PIEZO2: variants seen among roughly 807,000 people sequenced by gnomAD.
PIEZO2 encodes the protein piezo type mechanosensitive ion channel component 2.
Under a neutral mutation model 337.3 loss-of-function variants are expected in PIEZO2, and 172 were observed. That is an observed-to-expected ratio of 0.51 (90% CI 0.45 to 0.58). PIEZO2 has a LOEUF of 0.58. Ranked by LOEUF, PIEZO2 falls within the 20% of genes least tolerant of loss-of-function variation. The pLI, the probability that PIEZO2 is intolerant of heterozygous loss-of-function variation, is 0.00. For synonymous variants in PIEZO2, 1,251 were observed against 1,228.5 expected, an observed-to-expected ratio of 1.02 and a Z score of -0.38; for missense variants, 3,028 against 3,391.3, an observed-to-expected ratio of 0.89 and a Z score of 2.66.
At position 10,824,081 on chromosome 18, in the gene PIEZO2, C is replaced by A. The variant is rs1040835845; in HGVS notation, c.918-16807G>T. Among the ~76,000 whole-genome samples, 41 of 152,218 alleles carry A rather than the reference C, an allele frequency of 2.7e-4. No individual in the cohort carries two copies. Among genetic ancestry groups the A allele is most frequent in the Non-Finnish European group, 5.0e-4 (34 of 68,024 alleles). On this transcript the variant is annotated intron_variant, in intron 7 of 55. Transcript: ENST00000674853. This position sits in a 1 kb window ranked among gnomAD's most constrained non-coding sequence, Gnocchi z 4.4. ...CATATGTATGCACCCATAAATAATA[C>A]ATACAATTGTTATATGAATTTAACC...
chr18:10,728,546 G>T (rs754877478), intron 36 of PIEZO2: 3 of 152,028 alleles, frequency 2.0e-5, no homozygotes, highest in Non-Finnish European at 4.4e-5. Context: ...CTGCACTATG[G>T]AATATTTTGA....
intron 4 of PIEZO2, among the ~76,000 whole-genome samples, chr18:10,897,536 T>C (rs1330248314): frequency 6.6e-6 from 1 of 152,126 alleles, no homozygotes; most frequent in Non-Finnish European, 1.5e-5. Context: ...TTGGCTCTCA[T>C]TCTCTCTTGC....
chr18:11,061,703 C>T (rs1228178902), intron 2 of PIEZO2, among the ~76,000 whole-genome samples: 35 of 151,794 alleles, frequency 2.3e-4, no homozygotes, highest in South Asian at 1.7e-3. Context: ...TTACAAGGGA[C>T]GTGAAGGACC....
intron 1 of PIEZO2, among the ~76,000 whole-genome samples, chr18:11,087,516 T>C (rs557872613): frequency 6.6e-6 from 1 of 152,350 alleles, no homozygotes; most frequent in South Asian, 2.1e-4. Context: ...AAGAACACAG[T>C]GTGGTTCTCA....
chr18:10,963,526 A>G (rs1190397381), intron 3 of PIEZO2, among the ~76,000 whole-genome samples: 1 of 152,208 alleles, frequency 6.6e-6, no homozygotes, highest in East Asian at 1.9e-4. Flanking sequence ...ACATTAGATT[A>G]CAATAAGAAA....
chr18:10,680,433 CA>C, intron 51 of PIEZO2, 62 bp from the exon 52 acceptor site: 1 of 1,437,268 alleles, frequency 7.0e-7, no homozygotes, highest in South Asian at 1.3e-5. Flanking sequence ...ATAAAGAAAG[CA>C]GTCACTCTTC....
chr18:10,811,544 T>C (rs559622085), intron 7 of PIEZO2, among the ~76,000 whole-genome samples: 1 of 152,324 alleles, frequency 6.6e-6, no homozygotes, highest in South Asian at 2.1e-4. Context: ...GGTAAGAAAC[T>C]GTAGATATAC....
intron 2 of PIEZO2, among the ~76,000 whole-genome samples, chr18:11,055,355 C>T (rs369333366): frequency 1.3e-5 from 2 of 151,910 alleles, no homozygotes; most frequent in Admixed American, 6.6e-5. Context: ...ATGGATTTGT[C>T]GCACAAATAA....
chr18:10,772,839 A>G (rs1190733888), intron 20 of PIEZO2, among the ~76,000 whole-genome samples: 1 of 152,264 alleles, frequency 6.6e-6, no homozygotes, highest in African/African-American at 2.4e-5. Flanking sequence ...AGTAGAAAAG[A>G]AGAGCCCAAA....
Position 10,929,943 on chromosome 18 carries a change from T to TA in PIEZO2, c.287-18716dup, listed in dbSNP as rs1287899467. Among the ~76,000 whole-genome samples the TA allele has an allele frequency of 6.6e-6, 1 of 152,108 alleles. No individual in the cohort carries two copies. Among genetic ancestry groups the TA allele is most frequent in the Non-Finnish European group, 1.5e-5 (1 of 68,026 alleles). On this transcript the variant is annotated intron_variant, in intron 3 of 55. Transcript: ENST00000674853. This position sits in a 1 kb window ranked among gnomAD's most constrained non-coding sequence, Gnocchi z 5.6. ...GAAGGTGGGGTCCAACATGCCTCAT[T>TA]ATACCCTCTTTCCTTTGGAGTTGAG...
chr18:10,970,835 G>T (rs1183809135), intron 3 of PIEZO2, among the ~76,000 whole-genome samples: 1 of 152,076 alleles, frequency 6.6e-6, no homozygotes, highest in East Asian at 1.9e-4. Flanking sequence ...TATAAGGTAG[G>T]GAAGGAAGCT....
At chr18:10,989,730 G>A (rs2035017581) in intron 2 of PIEZO2, among the ~76,000 whole-genome samples, 1 of 152,198 alleles carries the variant, frequency 6.6e-6, no homozygotes, top group African/African-American at 2.4e-5. Context: ...GGGGAAATAT[G>A]TTTATACAGG....
intron 47 of PIEZO2, among the ~76,000 whole-genome samples, chr18:10,695,158 C>T (rs1160336385): frequency 2.0e-5 from 3 of 152,208 alleles, no homozygotes; most frequent in East Asian, 1.9e-4. Context: ...CCGAAATGAC[C>T]AGATCATTTG....
In PIEZO2 at chr18:11,099,129, T is replaced by G. The variant is rs957035237; in HGVS notation, c.65-32907A>C. Among the ~76,000 whole-genome samples, 1 of 152,176 alleles carries G rather than the reference T, an allele frequency of 6.6e-6. No individual in the cohort carries two copies. Among genetic ancestry groups the G allele is most frequent in the African/African-American group, 2.4e-5 (1 of 41,428 alleles). ...TTTTAAAAAGACTGCAGATTTTTCA[T>G]AGTTAACATGAATTATTTAACCAAT... On this transcript the variant is annotated intron_variant, in intron 1 of 55. Coordinates refer to ENST00000674853, the MANE Select transcript of PIEZO2 (RefSeq NM_001378183.1). The surrounding 1 kb of genome is among the most constrained non-coding windows in gnomAD (Gnocchi z 5.4).
At chr18:10,997,971 C>A (rs2035388200) in intron 2 of PIEZO2, among the ~76,000 whole-genome samples, 1 of 152,098 alleles carries the variant, frequency 6.6e-6, no homozygotes, top group East Asian at 1.9e-4. Context: ...AGATACATAA[C>A]TAACCTGTTG....
intron 3 of PIEZO2, among the ~76,000 whole-genome samples, chr18:10,935,876 C>A (rs938754317): frequency 8.5e-5 from 13 of 152,206 alleles, no homozygotes; most frequent in Non-Finnish European, 1.9e-4. Context: ...CTTTCTTGAA[C>A]CCACATTTAC....
intron 54 of PIEZO2, among the ~76,000 whole-genome samples, chr18:10,674,650 CT>C (rs1280095731): frequency 6.6e-6 from 1 of 152,232 alleles, no homozygotes; most frequent in Non-Finnish European, 1.5e-5. Flanking sequence ...GATAACTGCA[CT>C]GGTTTTCCGC....
At chr18:10,885,059 T>G (rs1049209833) in intron 4 of PIEZO2, among the ~76,000 whole-genome samples, 1 of 152,048 alleles carries the variant, frequency 6.6e-6, no homozygotes, top group Non-Finnish European at 1.5e-5. Flanking sequence ...TAGGAGAGGC[T>G]GATATGGAAG....
Position 11,031,234 on chromosome 18 carries a change from C to G in PIEZO2, c.160+34893G>C, listed in dbSNP as rs2036727343. ...CAGGATGGTCTCAATCTCCTGACCTCGTGATCCACCCACCTCAGCCTCCCA... is the reference window on the plus strand; with the variant it reads ...CAGGATGGTCTCAATCTCCTGACCTGGTGATCCACCCACCTCAGCCTCCCA... On this transcript the variant is annotated intron_variant, in intron 2 of 55. Transcript: ENST00000674853. The surrounding 1 kb of genome is among the most constrained non-coding windows in gnomAD (Gnocchi z 4.7). Among the ~76,000 whole-genome samples the G allele has an allele frequency of 6.6e-6, 1 of 151,522 alleles. No individual in the cohort carries two copies. Among genetic ancestry groups the G allele is most frequent in the African/African-American group, 2.4e-5 (1 of 41,234 alleles).
Sources: allele counts gnomAD v4.1 joint callset (sites outside exome capture counted in the v4.1 genomes callset), GRCh38; gene constraint gnomAD v4.1.1; non-coding constraint Gnocchi (gnomAD v3.1); transcripts MANE v1.5; gene names NCBI Gene and HGNC (gene_info 2026-07-23, HGNC 2026-07-21).